LYPLAL1: variants seen among roughly 807,000 people sequenced by gnomAD.
LYPLAL1 encodes lysophospholipase-like protein 1.
Under a neutral mutation model 19.7 loss-of-function variants are expected in LYPLAL1, and 23 were observed. The ratio of observed to expected loss-of-function variants is 1.17; its 90% CI spans 0.84 to 1.65. LYPLAL1 has a LOEUF of 1.65. LYPLAL1 is among the 40% of genes most tolerant of loss of function. LYPLAL1 has a pLI of 0.00. For missense variants in LYPLAL1, 355 were observed against 279.4 expected (o/e 1.27, Z -1.93); for synonymous variants, 119 against 96.3 (o/e 1.24, Z -1.38).
At chr1:219,297,184 A>G in the LYPLAL1 span, among the ~76,000 whole-genome samples, 3 of 152,214 alleles carry the variant, frequency 2.0e-5, no homozygotes, top group Non-Finnish European at 4.4e-5. Context: ...TTCTGTTTCT[A>G]CTGTTAAAGA....
chr1:219,359,075 T>G, the LYPLAL1 span, among the ~76,000 whole-genome samples: 1 of 98,288 alleles, frequency 1.0e-5, no homozygotes, highest in Non-Finnish European at 2.5e-5. Context: ...AAACAAGTTG[T>G]TTTTTTCCAG....
chr1:219,245,947 C>T, the LYPLAL1 span, among the ~76,000 whole-genome samples: 2 of 152,050 alleles, frequency 1.3e-5, no homozygotes, highest in Non-Finnish European at 2.9e-5. Flanking sequence ...AGGAGATGGA[C>T]CATCATGAAG....
the LYPLAL1 span, among the ~76,000 whole-genome samples, chr1:219,351,223 A>G: frequency 2.6e-4 from 40 of 152,004 alleles, no homozygotes; most frequent in African/African-American, 7.7e-4. Flanking sequence ...TAATTCTCAG[A>G]CTTACACACA....
chr1:219,309,058 C>T, the LYPLAL1 span, among the ~76,000 whole-genome samples: 1 of 152,204 alleles, frequency 6.6e-6, no homozygotes, highest in Admixed American at 6.5e-5. Flanking sequence ...TGGGAACCCA[C>T]CTCTTGCATC....
the LYPLAL1 span, among the ~76,000 whole-genome samples, chr1:219,257,309 T>C: frequency 6.6e-6 from 1 of 151,844 alleles, no homozygotes; most frequent in African/African-American, 2.4e-5. Context: ...AATATGTTAA[T>C]TGCTATAAAA....
chr1:219,240,062 A>G, the LYPLAL1 span, among the ~76,000 whole-genome samples: 1 of 152,344 alleles, frequency 6.6e-6, no homozygotes, highest in South Asian at 2.1e-4. Flanking sequence ...TCTAAGACAC[A>G]TGGAAAAATA....
chr1:219,210,482 C>T, intron 3 of LYPLAL1, 50 bp from the exon 4 acceptor site: 6 of 1,172,730 alleles, frequency 5.1e-6, no homozygotes, highest in East Asian at 2.6e-5. Flanking sequence ...ATATCATATC[C>T]TAAATTATTA....
intron 2 of LYPLAL1, among the ~76,000 whole-genome samples, chr1:219,183,346 T>C (rs1656449569): frequency 6.6e-6 from 1 of 152,086 alleles, no homozygotes; most frequent in South Asian, 2.1e-4. Context: ...TGTTGTTGGA[T>C]ATATGAATAC....
the LYPLAL1 span, among the ~76,000 whole-genome samples, chr1:219,296,806 C>A: frequency 6.6e-6 from 1 of 152,084 alleles, no homozygotes; most frequent in African/African-American, 2.4e-5. Flanking sequence ...GCTTTTCTGG[C>A]CAACCATGTT....
chr1:219,274,138 A>G, the LYPLAL1 span, among the ~76,000 whole-genome samples: 56 of 152,324 alleles, frequency 3.7e-4, 1 homozygote, highest in South Asian at 0.011. Context: ...AATTTTAGCC[A>G]CATCTTGAAA....
the LYPLAL1 span, among the ~76,000 whole-genome samples, chr1:219,245,850 C>T: frequency 6.6e-5 from 10 of 152,076 alleles, no homozygotes; most frequent in African/African-American, 2.4e-4. Flanking sequence ...AAAATTCGAC[C>T]CATTTCAGTG....
At chr1:219,392,392 A>T in the LYPLAL1 span, among the ~76,000 whole-genome samples, 29 of 152,336 alleles carry the variant, frequency 1.9e-4, no homozygotes, top group African/African-American at 7.0e-4. Flanking sequence ...TTGTATATTT[A>T]AAATTTTAAG....
At chr1:219,419,548 AACACACAC>A in the LYPLAL1 span, among the ~76,000 whole-genome samples, 1,314 of 97,842 alleles carry the variant, frequency 0.013, 30 homozygotes, top group African/African-American at 0.046. Context: ...GCCCTAGCCC[AACACACAC>A]ACACACACAC....
the LYPLAL1 span, among the ~76,000 whole-genome samples, chr1:219,260,898 A>G: frequency 7.6e-4 from 116 of 151,972 alleles, 1 homozygote; most frequent in Middle Eastern, 6.8e-3. Flanking sequence ...TTAAAAAATA[A>G]TTAAAAGGTG....
the LYPLAL1 span, among the ~76,000 whole-genome samples, chr1:219,357,825 C>T: frequency 6.1e-4 from 93 of 152,288 alleles, no homozygotes; most frequent in Admixed American, 1.6e-3. Flanking sequence ...AATTTTGGTA[C>T]ATGCATACAA....
At chr1:219,394,931 C>T in the LYPLAL1 span, among the ~76,000 whole-genome samples, 1 of 152,218 alleles carries the variant, frequency 6.6e-6, no homozygotes, top group African/African-American at 2.4e-5. Context: ...TGGCCTCTAG[C>T]TCATTCATGT....
chr1:219,299,921 C>G, the LYPLAL1 span, among the ~76,000 whole-genome samples: 1 of 151,962 alleles, frequency 6.6e-6, no homozygotes, highest in East Asian at 1.9e-4. Flanking sequence ...GATAACCAGT[C>G]GGAAGCAGCC....
At chr1:219,210,377 A>G in intron 3 of LYPLAL1, 155 bp from the exon 4 acceptor site, 1 of 485,478 alleles carries the variant, frequency 2.1e-6, no homozygotes, top group Non-Finnish European at 3.6e-6. Flanking sequence ...ATGTTATCGC[A>G]GGCCTTTGTC....
chr1:219,406,860 C>G, the LYPLAL1 span, among the ~76,000 whole-genome samples: 91 of 152,198 alleles, frequency 6.0e-4, no homozygotes, highest in African/African-American at 2.0e-3. Context: ...ATTCACCTTA[C>G]AAGGTAAATT....
Sources: allele counts gnomAD v4.1 joint callset (sites outside exome capture counted in the v4.1 genomes callset), GRCh38; gene constraint gnomAD v4.1.1; transcripts MANE v1.5; gene names NCBI Gene and HGNC (gene_info 2026-07-23, HGNC 2026-07-21).